GALNTL6: variants seen among roughly 807,000 people sequenced by gnomAD.
GALNTL6 encodes the protein polypeptide N-acetylgalactosaminyltransferase like 6, also known as polypeptide N-acetylgalactosaminyltransferase-like 6.
Under a neutral mutation model 73.7 loss-of-function variants are expected in GALNTL6, and 46 were observed. That is an observed-to-expected ratio of 0.62 (90% CI 0.49 to 0.80). The LOEUF (loss-of-function observed/expected upper bound fraction) is 0.80. GALNTL6 is among the 30% of genes least tolerant of loss of function. GALNTL6 has a pLI of 0.00. For synonymous variants in GALNTL6, 259 were observed against 263.7 expected (o/e 0.98, Z 0.17); for missense variants, 604 against 755.0 (o/e 0.80, Z 2.34).
intron 5 of GALNTL6, among the ~76,000 whole-genome samples, chr4:172,790,896 CAAAAA>C (rs770813700): frequency 7.0e-5 from 5 of 71,440 alleles, no homozygotes; most frequent in Non-Finnish European, 1.1e-4. Context: ...GAGACTCCAT[CAAAAA>C]AAAAAAAAAA....
chr4:172,658,534 C>T (rs537996187), intron 5 of GALNTL6, among the ~76,000 whole-genome samples: 35 of 150,638 alleles, frequency 2.3e-4, no homozygotes, highest in Non-Finnish European at 1.5e-5. Flanking sequence ...GGAAATAGGG[C>T]CACATTTCAA....
intron 8 of GALNTL6, among the ~76,000 whole-genome samples, chr4:172,914,424 A>C (rs1217940929): frequency 1.3e-5 from 2 of 152,260 alleles, no homozygotes; most frequent in Non-Finnish European, 1.5e-5. Flanking sequence ...TAAATGGGCT[A>C]CATGCCCCAA....
intron 5 of GALNTL6, among the ~76,000 whole-genome samples, chr4:172,641,398 C>A (rs930371764): frequency 6.6e-6 from 1 of 152,058 alleles, no homozygotes; most frequent in Non-Finnish European, 1.5e-5. Context: ...CCCCTTAACG[C>A]TCTGACCTAC....
intron 2 of GALNTL6, among the ~76,000 whole-genome samples, chr4:171,848,400 G>A (rs960002393): frequency 3.9e-5 from 6 of 152,142 alleles, no homozygotes; most frequent in African/African-American, 1.2e-4. Flanking sequence ...TTTAGCATTG[G>A]CTTCAACTTA....
intron 2 of GALNTL6, among the ~76,000 whole-genome samples, chr4:172,174,324 G>T (rs1026641835): frequency 6.6e-6 from 1 of 152,090 alleles, no homozygotes; most frequent in Admixed American, 6.5e-5. Context: ...TATGTATAGC[G>T]GTGTCATTTA....
At chr4:172,264,872 A>G (rs998256225) in intron 3 of GALNTL6, among the ~76,000 whole-genome samples, 3 of 149,518 alleles carry the variant, frequency 2.0e-5, no homozygotes, top group Non-Finnish European at 4.5e-5. Context: ...TTTTTTCTTG[A>G]AAAGCTGCAT....
At chr4:171,968,573 A>T (rs796459825) in intron 2 of GALNTL6, among the ~76,000 whole-genome samples, 66 of 152,236 alleles carry the variant, frequency 4.3e-4, no homozygotes, top group African/African-American at 1.6e-3. Flanking sequence ...CAAAGACCCT[A>T]TTTCCAAATA....
chr4:172,461,239 T>G (rs1189900307), intron 5 of GALNTL6, among the ~76,000 whole-genome samples: 1 of 152,006 alleles, frequency 6.6e-6, no homozygotes, highest in Non-Finnish European at 1.5e-5. Context: ...AGGGGAGGGA[T>G]AGCATTAGTA....
At chr4:172,609,926 G>T (rs1204221006) in intron 5 of GALNTL6, among the ~76,000 whole-genome samples, 7 of 151,834 alleles carry the variant, frequency 4.6e-5, no homozygotes, top group African/African-American at 1.7e-4. Context: ...ATCTTGGGAG[G>T]GTGAATGTGT....
At chr4:172,731,490 T>A (rs1004384651) in intron 5 of GALNTL6, among the ~76,000 whole-genome samples, 3 of 152,068 alleles carry the variant, frequency 2.0e-5, no homozygotes, top group African/African-American at 4.8e-5. Context: ...TTATCTTTTT[T>A]AAAAAACAAC....
At chr4:172,687,589 C>G (rs953876577) in intron 5 of GALNTL6, among the ~76,000 whole-genome samples, 15 of 147,170 alleles carry the variant, frequency 1.0e-4, no homozygotes, top group African/African-American at 3.8e-4. Flanking sequence ...GATCGCGCCA[C>G]TGCACTCCAG....
Position 172,283,842 on chromosome 4 carries a change from A to G in GALNTL6, c.248-27772A>G, listed in dbSNP as rs558691718. ...CACCTATTACACATTTTATTACAAT[A>G]TTTTAGACCATTCATCACCTTCAAG... On this transcript the variant is annotated intron_variant, in intron 3 of 12. Coordinates refer to ENST00000506823, the MANE Select transcript of GALNTL6 (RefSeq NM_001034845.3). 8.5e-5 allele frequency among the ~76,000 whole-genome samples: 13 copies of G among 152,316 alleles called. No individual in the cohort carries two copies. In the East Asian group the frequency reaches 2.5e-3, roughly 29 times the overall value.
At chr4:172,441,276 CAT>C (rs1427513429) in intron 5 of GALNTL6, among the ~76,000 whole-genome samples, 2 of 152,088 alleles carry the variant, frequency 1.3e-5, no homozygotes, top group Non-Finnish European at 2.9e-5. Context: ...CAGTCAGTGA[CAT>C]ATTATTTTCA....
At chr4:172,362,020 T>C (rs969957315) in intron 5 of GALNTL6, among the ~76,000 whole-genome samples, 1 of 152,158 alleles carries the variant, frequency 6.6e-6, no homozygotes, top group Non-Finnish European at 1.5e-5. Flanking sequence ...TTGAACTAGA[T>C]GAGAGTTAGT....
chr4:172,786,630 C>T (rs145756772), intron 5 of GALNTL6, among the ~76,000 whole-genome samples: 67 of 152,222 alleles, frequency 4.4e-4, no homozygotes, highest in African/African-American at 1.4e-3. Context: ...AAAACTGTCA[C>T]GGCCAAGTCC....
Position 172,992,638 on chromosome 4 carries a change from A to AT in GALNTL6, c.1372-16534dup, listed in dbSNP as rs530717652. 4.3e-3 allele frequency among the ~76,000 whole-genome samples: 652 copies of AT among 152,264 alleles called. 5 individuals are homozygous for AT. Among genetic ancestry groups the AT allele is most frequent in the African/African-American group, 0.015 (623 of 41,548 alleles). On this transcript the variant is annotated intron_variant, in intron 10 of 12. Coordinates refer to ENST00000506823, the MANE Select transcript of GALNTL6 (RefSeq NM_001034845.3). ...GATCTGGTAGAATCTGCTGCTTTTA[A>AT]TTTTTTAAACAGTCTGGGTAGCACC...
At chr4:172,838,766 A>T (rs1373971109) in intron 7 of GALNTL6, among the ~76,000 whole-genome samples, 1 of 152,006 alleles carries the variant, frequency 6.6e-6, no homozygotes, top group East Asian at 1.9e-4. Context: ...GGCACCAAAG[A>T]CTCCACTCGA....
At chr4:172,209,754 T>C (rs1736265201) in intron 2 of GALNTL6, among the ~76,000 whole-genome samples, 1 of 152,094 alleles carries the variant, frequency 6.6e-6, no homozygotes, top group African/African-American at 2.4e-5. Context: ...GAGCTTGCTG[T>C]TTTAATTTTC....
At chr4:171,987,732 T>C (rs1336468603) in intron 2 of GALNTL6, among the ~76,000 whole-genome samples, 1 of 152,182 alleles carries the variant, frequency 6.6e-6, no homozygotes, top group Non-Finnish European at 1.5e-5. Flanking sequence ...TGCTATAGCA[T>C]AGCCTGCCTT....
Sources: gnomAD v4.1 joint callset for allele counts (sites outside exome capture counted in the v4.1 genomes callset) on GRCh38, gnomAD v4.1.1 for gene constraint, MANE v1.5 for transcripts, NCBI Gene and HGNC (gene_info 2026-07-23, HGNC 2026-07-21) for gene names.